UNK: variants seen among roughly 807,000 people sequenced by gnomAD.
UNK encodes unk zinc finger, also known as RING finger protein unkempt homolog.
In UNK, 32 loss-of-function variants were observed where a neutral mutation model predicts 97.6. That is an observed-to-expected ratio of 0.33 (90% confidence interval 0.25 to 0.44). UNK has a LOEUF of 0.44. UNK is among the 20% of genes least tolerant of loss of function. The pLI is 1.00. For missense variants in UNK, 771 were observed against 1,098.4 expected (o/e 0.70, Z 4.21); for synonymous variants, 441 against 461.2 (o/e 0.96, Z 0.56).
chr17:75,822,701 G>A (rs1233575774), intron 14 of UNK, 43 bp downstream of exon 14: 2 of 1,544,762 alleles, frequency 1.3e-6, no homozygotes, highest in South Asian at 2.5e-5. Context: ...GTGCCAGGTG[G>A]CATCCAGCCC....
At chr17:75,803,571 A>T (rs1244570256) in intron 1 of UNK, among the ~76,000 whole-genome samples, 1 of 152,228 alleles carries the variant, frequency 6.6e-6, no homozygotes, top group Non-Finnish European at 1.5e-5. Context: ...AAAACTTGTG[A>T]AAATGTAAGG....
At chr17:75,813,942 G>C in intron 6 of UNK, 64 bp downstream of exon 6, 1 of 1,442,276 alleles carries the variant, frequency 6.9e-7, no homozygotes, top group Non-Finnish European at 9.3e-7. Context: ...GGCAGGATCA[G>C]TGGAGATGTT....
In UNK at chr17:75,816,601, A is replaced by C. The variant is rs2062017846; in HGVS notation, c.962-169A>C. Among the ~76,000 whole-genome samples, 2 of 152,244 alleles carry C rather than the reference A, an allele frequency of 1.3e-5. No individual in the cohort carries two copies. Among genetic ancestry groups the C allele is most frequent in the South Asian group, 4.1e-4 (2 of 4,834 alleles). ...CACAATTACTGCAAAGTGCTGGCAC[A>C]GTGCCTGGCACACAGTAAATGCACA... On this transcript the variant is annotated intron_variant, in intron 7 of 15. Coordinates refer to ENST00000589666, the MANE Select transcript of UNK (RefSeq NM_001080419.3). The surrounding 1 kb of genome is among the most constrained non-coding windows in gnomAD (Gnocchi z 4.0).
At chr17:75,822,346 G>A (rs2062076501) in intron 13 of UNK, 131 bp from the exon 14 acceptor site, 1 of 1,155,182 alleles carries the variant, frequency 8.7e-7, no homozygotes. Flanking sequence ...AAAATTCTCT[G>A]GCCTGACACT....
In UNK at chr17:75,825,368, CGGACTGAGGACTGA is replaced by C. The variant is rs1182172031; in HGVS notation, c.*956_*969del. On this transcript the variant is annotated 3_prime_UTR_variant, in exon 16 of 16. Transcript: ENST00000589666. This position sits in a 1 kb window ranked among gnomAD's most constrained non-coding sequence, Gnocchi z 4.4. ...GCAGGGCAATTGGCGGGGAGGAGTG[CGGACTGAGGACTGA>C]GGACCAAGGGGGCCCAGGCCCTGCC... is the stretch of plus-strand genomic sequence containing the variant. The C allele has an allele frequency of 6.6e-6, 1 of 152,472 alleles. No homozygotes were observed. Among genetic ancestry groups the C allele is most frequent in the East Asian group, 1.9e-4 (1 of 5,178 alleles). The allele number at this position is 152,472 out of a possible 1,614,324, so 9.4% of individuals were successfully genotyped here.
rs1340291560 is a variant in UNK, at chr17:75,817,769, C to T, written c.1305+243C>T. Among the ~76,000 whole-genome samples, 1 of 152,120 alleles carries T rather than the reference C, an allele frequency of 6.6e-6. No individual in the cohort carries two copies. The highest frequency in any genetic ancestry group is 2.4e-5 in the African/African-American group (1 of 41,422). The stretch of plus-strand genomic sequence containing the variant: ...GAGCTGGTTAGGAGAGGAGCCAGAT[C>T]CCGCCTGGGTGCGGTCCTTCGGCTG... On this transcript the variant is annotated intron_variant, in intron 9 of 15. Coordinates refer to ENST00000589666, the MANE Select transcript of UNK (RefSeq NM_001080419.3). The surrounding 1 kb of genome is among the most constrained non-coding windows in gnomAD (Gnocchi z 5.8).
Position 75,824,277 on chromosome 17 carries a change from C to T in UNK, c.2293C>T (p.Gln765Ter), listed in dbSNP as rs1487797336. ...EQVDKAVFHM[Q>*]SVKCLKCQEQ... ...TTCCCTGCAGGCCGTGTTCCACATG[C>T]AGTCGGTGAAATGCCTTAAGTGTCA... Residue 765 changes from glutamine (Q) to a stop codon, truncating the protein, a stop_gained, in exon 16 of 16, where the codon CAG becomes TAG. Coordinates refer to ENST00000589666, the MANE Select transcript of UNK (RefSeq NM_001080419.3). LOFTEE classifies it high-confidence loss of function. This position sits in a 1 kb window ranked among gnomAD's most constrained non-coding sequence, Gnocchi z 4.9. 6.3e-7 allele frequency: 1 copy of T among 1,599,946 alleles called. No homozygotes were observed. The highest frequency in any genetic ancestry group is 1.7e-5 in the Admixed American group (1 of 58,622).
rs748336526 is a variant in UNK, at chr17:75,818,123, A to G, written c.1326A>G (p.Ser442=). ...CTCAGGCCAAATTAAAACCCCACTC[A>G]TTAGAGCCCAGGAGTCAAGAGCAGC... ...FKCQAKLKPH[S]LEPRSQEQPL... The change falls in exon 10 of 16, where the codon TCA becomes TCG. Residue 442 remains serine (S), a synonymous_variant. Transcript: ENST00000589666. This position sits in a 1 kb window ranked among gnomAD's most constrained non-coding sequence, Gnocchi z 5.1. The G allele has an allele frequency of 6.2e-6, 10 of 1,613,450 alleles. No individual in the cohort carries two copies. The South Asian group carries it at 9.9e-5, about 16-fold the overall frequency.
At position 75,824,233 on chromosome 17, in the gene UNK, T is replaced by C. The variant is rs375013432; in HGVS notation, c.2278-29T>C. On this transcript the variant is annotated intron_variant, in intron 15 of 15. Transcript: ENST00000589666. The surrounding 1 kb of genome is among the most constrained non-coding windows in gnomAD (Gnocchi z 4.9). ...CTCAACTTGGGGCCAGACCCATGGA[T>C]GGTGACCACGATGCCCCTTTCCCTG... is the stretch of plus-strand genomic sequence containing the variant. 7.0e-6 allele frequency: 11 copies of C among 1,562,676 alleles called. No homozygotes were observed. The highest frequency in any genetic ancestry group is 3.4e-4 in the Middle Eastern group (2 of 5,946).
In UNK at chr17:75,819,217, T is replaced by A; in HGVS notation, c.1546+401T>A. On this transcript the variant is annotated intron_variant, in intron 11 of 15. Transcript: ENST00000589666. The surrounding 1 kb of genome is among the most constrained non-coding windows in gnomAD (Gnocchi z 5.4). ...TTCTAGGTGCCCGCTTTGTGCCAGG[T>A]CCTGTGGCAGGCACTGAGGAGACAG... 1 of 230,456 alleles carries A rather than the reference T, an allele frequency of 4.3e-6. No individual in the cohort carries two copies. Among genetic ancestry groups the A allele is most frequent in the Non-Finnish European group, 8.4e-6 (1 of 119,314 alleles). 14.3% of individuals were successfully genotyped at this position (230,456 alleles called of 1,614,324 possible).
chr17:75,805,071 C>G (rs568959880), intron 1 of UNK, among the ~76,000 whole-genome samples: 2,601 of 150,276 alleles, frequency 0.017, 72 homozygotes, highest in African/African-American at 0.06. Flanking sequence ...ATCCCAGCTA[C>G]TTGGGAGGCT....
intron 1 of UNK, among the ~76,000 whole-genome samples, chr17:75,799,343 G>A (rs986949319): frequency 6.6e-6 from 1 of 152,138 alleles, no homozygotes; most frequent in African/African-American, 2.4e-5. Flanking sequence ...CACATTCCCA[G>A]CACCAATGAC....
In UNK at chr17:75,818,851, T is replaced by G; in HGVS notation, c.1546+35T>G. The G allele has an allele frequency of 1.3e-6, 2 of 1,529,508 alleles. No homozygotes were observed. The highest frequency in any genetic ancestry group is 1.8e-6 in the Non-Finnish European group (2 of 1,134,072). The allele number at this position is 1,529,508 out of a possible 1,614,324, so 94.7% of individuals were successfully genotyped here. A position where few individuals can be genotyped will look rare whatever the true frequency, so the allele number is the denominator to read the frequency against. On this transcript the variant is annotated intron_variant, in intron 11 of 15. Coordinates refer to ENST00000589666, the MANE Select transcript of UNK (RefSeq NM_001080419.3). This position sits in a 1 kb window ranked among gnomAD's most constrained non-coding sequence, Gnocchi z 5.1. ...CCATTTCTGTTTGAAAGCCCAGGACTGGGTCTGGGGTCAGAGACCCCCCAG... is the reference window on the plus strand; with the variant it reads ...CCATTTCTGTTTGAAAGCCCAGGACGGGGTCTGGGGTCAGAGACCCCCCAG...
chr17:75,819,984 C>T lies in UNK; in HGVS notation c.1713C>T (p.Ser571=), dbSNP rs775838645. The T allele has an allele frequency of 6.2e-7, 1 of 1,613,668 alleles. No individual in the cohort carries two copies. The stretch of plus-strand genomic sequence containing the variant: ...CCGGCTCCTTGGGCAGCTCTGCCTC[C>T]TTCCACTCAGCATCCCCGTCCCCTC... ...NIPGSLGSSA[S]FHSASPSPPV... The change falls in exon 13 of 16, where the codon TCC becomes TCT. Residue 571 remains serine, a synonymous_variant. Coordinates refer to ENST00000589666, the MANE Select transcript of UNK (RefSeq NM_001080419.3). This position sits in a 1 kb window ranked among gnomAD's most constrained non-coding sequence, Gnocchi z 5.4.
chr17:75,794,984 CT>C (rs2061793157), intron 1 of UNK, among the ~76,000 whole-genome samples: 1 of 152,174 alleles, frequency 6.6e-6, no homozygotes, highest in African/African-American at 2.4e-5. Context: ...GATTGAATGC[CT>C]TCTTTAGTTG....
chr17:75,791,182 A>G (rs2061761208), intron 1 of UNK, among the ~76,000 whole-genome samples: 1 of 152,188 alleles, frequency 6.6e-6, no homozygotes, highest in South Asian at 2.1e-4. Flanking sequence ...GTGATTTCTT[A>G]TAGGTCGACA....
At chr17:75,821,889 C>A in intron 13 of UNK, 1 of 359,942 alleles carries the variant, frequency 2.8e-6, no homozygotes. Flanking sequence ...TTTGGAACCA[C>A]ACTCCCTGTC....
chr17:75,814,678 C>T (rs548880859), intron 6 of UNK, among the ~76,000 whole-genome samples: 4 of 152,100 alleles, frequency 2.6e-5, no homozygotes, highest in Non-Finnish European at 5.9e-5. Context: ...ACCTGCAGTC[C>T]CTGCCCTTGG....
chr17:75,812,348 G>C, intron 3 of UNK, 60 bp downstream of exon 3: 1 of 1,580,974 alleles, frequency 6.3e-7, no homozygotes, highest in Non-Finnish European at 8.6e-7. Flanking sequence ...CAGGGGCCTG[G>C]CGGCTAATGA....
Sources: gnomAD v4.1 joint callset for allele counts (sites outside exome capture counted in the v4.1 genomes callset) on GRCh38, gnomAD v4.1.1 for gene constraint, Gnocchi (gnomAD v3.1) non-coding constraint, MANE v1.5 for transcripts, NCBI Gene and HGNC (gene_info 2026-07-23, HGNC 2026-07-21) for gene names.